The following VOPP1 variants were observed in gnomAD, a reference collection of about 807,000 sequenced individuals.
The protein encoded by VOPP1 is WW domain binding protein VOPP1.
In VOPP1, 8 loss-of-function variants were observed where a neutral mutation model predicts 23.5. The ratio of observed to expected loss-of-function variants is 0.34; its 90% CI spans 0.20 to 0.61. The LOEUF is 0.61. Among genes scored for constraint, VOPP1 ranks in the 20% least tolerant of loss-of-function variants. The probability of loss-of-function intolerance (pLI) is 0.78; values close to 1 mark genes in which losing one functional copy is unlikely to be tolerated. For missense variants in VOPP1, 174 were observed against 238.1 expected (o/e 0.73, Z 1.77); for synonymous variants, 83 against 97.3 (o/e 0.85, Z 0.86).
intron 4 of VOPP1, among the ~76,000 whole-genome samples, chr7:55,436,967 T>A (rs1026194946): frequency 2.0e-5 from 3 of 152,184 alleles, no homozygotes; most frequent in African/African-American, 7.2e-5. Context: ...GCTGCTCACA[T>A]GTTGATAAAG....
intron 1 of VOPP1, among the ~76,000 whole-genome samples, chr7:55,540,770 T>C (rs533496178): frequency 1.3e-5 from 2 of 152,322 alleles, no homozygotes; most frequent in South Asian, 4.1e-4. Context: ...GAATTTACTA[T>C]TGAATTCACC....
At chr7:55,510,392 A>C (rs938536278) in intron 2 of VOPP1, among the ~76,000 whole-genome samples, 10 of 152,050 alleles carry the variant, frequency 6.6e-5, no homozygotes, top group Admixed American at 1.3e-4. Context: ...GACCGCAATA[A>C]ACTTGTTTGT....
At chr7:55,443,206 T>C (rs755445878) in intron 4 of VOPP1, among the ~76,000 whole-genome samples, 2 of 152,092 alleles carry the variant, frequency 1.3e-5, no homozygotes, top group Admixed American at 1.3e-4. Context: ...CAAAAAGATA[T>C]AGAAATCTCA....
At chr7:55,474,682 G>A (rs1294849909) in intron 4 of VOPP1, among the ~76,000 whole-genome samples, 1 of 152,264 alleles carries the variant, frequency 6.6e-6, no homozygotes, top group African/African-American at 2.4e-5. Context: ...GGGCGGGGCA[G>A]ATGAAAAAGT....
chr7:55,466,327 G>A (rs149399112), downstream of VOPP1, among the ~76,000 whole-genome samples: 563 of 152,344 alleles, frequency 3.7e-3, 3 homozygotes, highest in African/African-American at 0.013. Flanking sequence ...TGGGTAGAAA[G>A]GCTGGCATAG....
chr7:55,462,828 TTG>T (rs1791537473), intron 4 of VOPP1, among the ~76,000 whole-genome samples: 1 of 148,600 alleles, frequency 6.7e-6, no homozygotes. Context: ...GCTAATTTTT[TTG>T]TATTTTTAGT....
intron 4 of VOPP1, among the ~76,000 whole-genome samples, chr7:55,461,833 C>T (rs141386974): frequency 1.3e-5 from 2 of 152,204 alleles, no homozygotes; most frequent in African/African-American, 4.8e-5. Context: ...TTTTGTGCAT[C>T]CTTTGTTCAT....
intron 1 of VOPP1, chr7:55,552,517 C>T: frequency 1.4e-6 from 2 of 1,418,588 alleles, no homozygotes; most frequent in Non-Finnish European, 9.6e-7. Context: ...GATCTCCATG[C>T]TTACACATGC....
chr7:55,555,320 A>G (rs924476374), intron 1 of VOPP1, among the ~76,000 whole-genome samples: 38 of 152,322 alleles, frequency 2.5e-4, no homozygotes, highest in African/African-American at 9.1e-4. Flanking sequence ...CCAGGGAAGC[A>G]GACTGCATGA....
intron 4 of VOPP1, among the ~76,000 whole-genome samples, chr7:55,443,777 T>TG (rs1166589628): frequency 6.6e-6 from 1 of 151,388 alleles, no homozygotes; most frequent in Non-Finnish European, 1.5e-5. Flanking sequence ...CCTGAGTAGC[T>TG]GAGATTATAG....
At chr7:55,494,252 T>C (rs1793789348) in intron 3 of VOPP1, among the ~76,000 whole-genome samples, 3 of 152,292 alleles carry the variant, frequency 2.0e-5, no homozygotes, top group South Asian at 4.1e-4. Flanking sequence ...GTGGGCTCAG[T>C]GACAGTCTTA....
At chr7:55,539,234 A>G (rs1796997784) in intron 1 of VOPP1, among the ~76,000 whole-genome samples, 2 of 151,966 alleles carry the variant, frequency 1.3e-5, no homozygotes, top group South Asian at 4.2e-4. Context: ...AATCCCAGCT[A>G]CTCGGGAGGC....
intron 1 of VOPP1, among the ~76,000 whole-genome samples, chr7:55,534,894 G>C (rs567027184): frequency 3.3e-5 from 5 of 152,348 alleles, no homozygotes; most frequent in African/African-American, 1.2e-4. Flanking sequence ...CATCCACGTG[G>C]TCAAGCCTTG....
At chr7:55,469,804 C>A (rs940633), downstream of VOPP1, among the ~76,000 whole-genome samples, 96,131 of 152,130 alleles carry the variant, frequency 0.63, 31,690 homozygotes, top group Admixed American at 0.72. Flanking sequence ...GTGCACTGCC[C>A]GTCTCCCAGG....
chr7:55,519,852 G>A (rs558018670), intron 2 of VOPP1, among the ~76,000 whole-genome samples: 1 of 152,336 alleles, frequency 6.6e-6, no homozygotes, highest in Non-Finnish European at 1.5e-5. Context: ...AAGAGGCTGG[G>A]CGAGGTGACT....
downstream of VOPP1, among the ~76,000 whole-genome samples, chr7:55,470,207 A>C (rs982280907): frequency 7.9e-5 from 12 of 152,170 alleles, no homozygotes. Flanking sequence ...CATCTCTAAA[A>C]CACAAAATAA....
At chr7:55,495,678 C>T (rs1793899132) in intron 3 of VOPP1, among the ~76,000 whole-genome samples, 1 of 152,210 alleles carries the variant, frequency 6.6e-6, no homozygotes, top group African/African-American at 2.4e-5. Context: ...CTGCCTAAAG[C>T]CTCTCCATAA....
rs1459890821 is a variant in VOPP1 at position 55,439,489 on chromosome 7, A to G, written n.418-3315T>C. Among the ~76,000 whole-genome samples, 4 of 152,198 alleles carry G rather than the reference A, an allele frequency of 2.6e-5. No homozygotes were observed. The East Asian group carries it at 7.7e-4, about 29-fold the overall frequency. On this transcript the variant is annotated intron_variant and non_coding_transcript_variant, in intron 4 of 4. Coordinates refer to the VOPP1 transcript ENST00000462326. ...AGCTGGTGAGCGAAATAGGGTCAAG[A>G]AAAACTTTTTCAGAAAAATAACAGG...
At chr7:55,489,977 G>A (rs529118819) in intron 4 of VOPP1, among the ~76,000 whole-genome samples, 5 of 152,196 alleles carry the variant, frequency 3.3e-5, no homozygotes, top group African/African-American at 1.2e-4. Context: ...CATTTTCCAG[G>A]CAGAAGGAGG....
Sources: gnomAD v4.1 joint callset for allele counts (sites outside exome capture counted in the v4.1 genomes callset) on GRCh38, gnomAD v4.1.1 for gene constraint, MANE v1.5 for transcripts, NCBI Gene and HGNC (gene_info 2026-07-23, HGNC 2026-07-21) for gene names.